The following ACAD10 variants were observed in gnomAD, a reference collection of about 807,000 sequenced individuals.
ACAD10 encodes the protein ACAD-10.
Under a neutral mutation model 116.8 loss-of-function variants are expected in ACAD10, and 112 were observed. The ratio of observed to expected loss-of-function variants is 0.96; its 90% confidence interval spans 0.82 to 1.12. The LOEUF (loss-of-function observed/expected upper bound fraction) is 1.12. Ranked by LOEUF, ACAD10 falls within the 50% of genes most tolerant of loss-of-function variation. ACAD10 has a pLI of 0.00. For synonymous variants in ACAD10, 486 were observed against 510.6 expected, an observed-to-expected ratio of 0.95 and a Z score of 0.65; for missense variants, 1,259 against 1,350.2, an observed-to-expected ratio of 0.93 and a Z score of 1.06.
Position 111,756,533 on chromosome 12 carries a change from C to A in ACAD10, c.*60C>A, listed in dbSNP as rs528263913. The A allele has an allele frequency of 5.0e-6, 8 of 1,592,068 alleles. No homozygotes were observed. The Admixed American group carries it at 1.4e-4, about 29-fold the overall frequency. On this transcript the variant is annotated 3_prime_UTR_variant, in exon 21 of 21. Transcript: ENST00000313698. ...GGTCCAGCTGTGCCCAGATCTGTCA[C>A]TGATGTGCCTCGAAAGATCCGGTGT...
intron 6 of ACAD10, among the ~76,000 whole-genome samples, chr12:111,715,256 A>T (rs573185083): frequency 6.6e-6 from 1 of 152,308 alleles, no homozygotes; most frequent in African/African-American, 2.4e-5. Context: ...TGGAGCTGAG[A>T]ATGAATTAGT....
chr12:111,738,068 G>A (rs1889624183), intron 12 of ACAD10, among the ~76,000 whole-genome samples: 1 of 151,956 alleles, frequency 6.6e-6, no homozygotes, highest in Non-Finnish European at 1.5e-5. Flanking sequence ...TGTTGGCCAG[G>A]CTGGTTTCGA....
rs1888367509 is a variant in ACAD10, at chr12:111,702,221, G to T, written c.247G>T (p.Gly83Cys). Reference sequence around the variant, plus strand: ...TATATTAAAGGCCTTGATGGAAGGTGGTGAAAATGGGCCCTGGATGAGATT... The same window carrying T: ...TATATTAAAGGCCTTGATGGAAGGTTGTGAAAATGGGCCCTGGATGAGATT... ...GTILKALMEG[G>C]ENGPWMRFMR... Residue 83 changes from glycine to cysteine, a missense_variant, in exon 3 of 21, where the codon GGT (glycine) becomes TGT (cysteine). Coordinates refer to ENST00000313698, the MANE Select transcript of ACAD10 (RefSeq NM_025247.6). The T allele has an allele frequency of 2.5e-6, 4 of 1,614,070 alleles. No homozygotes were observed. The highest frequency in any genetic ancestry group is 3.4e-6 in the Non-Finnish European group (4 of 1,180,010).
At chr12:111,728,919 C>T (rs139176365) in intron 9 of ACAD10, among the ~76,000 whole-genome samples, 4 of 152,210 alleles carry the variant, frequency 2.6e-5, no homozygotes, top group East Asian at 1.9e-4. Context: ...CAAACTCCTG[C>T]GCTCAAGTGA....
chr12:111,753,886 G>A lies in ACAD10; in HGVS notation c.2932G>A (p.Ala978Thr), dbSNP rs771508864. ...EQARLLVLRA[A>T]HLMDLAGNKA... ...GGCACGGCTGCTGGTGCTGAGAGCT[G>A]CCCACCTCATGGACCTGGCAGGAAA... The change falls in exon 19 of 21, where the codon GCC (alanine) becomes ACC (threonine). Residue 978 changes from alanine (A) to threonine (T), a missense_variant. By Grantham distance (58) the Ala-to-Thr change is moderately conservative. Coordinates refer to ENST00000313698, the MANE Select transcript of ACAD10 (RefSeq NM_025247.6). The A allele has an allele frequency of 6.8e-6, 11 of 1,610,904 alleles. No individual in the cohort carries two copies. The South Asian group carries it at 1.1e-4, about 16-fold the overall frequency.
rs2068087456 is a variant in ACAD10, at chr12:111,756,647, G to T, written c.*174G>T. The T allele has an allele frequency of 9.2e-7, 1 of 1,090,408 alleles. No homozygotes were observed. The highest frequency in any genetic ancestry group is 1.3e-6 in the Non-Finnish European group (1 of 741,954). 67.5% of individuals were successfully genotyped at this position (1,090,408 alleles called of 1,614,324 possible). ...CTGGTTCTCCACAGAAGACGTCTCT[G>T]CAAGAAGCCTGGAGTCTGTTTCAGG... On this transcript the variant is annotated 3_prime_UTR_variant, in exon 21 of 21. Transcript: ENST00000313698.
intron 19 of ACAD10, 114 bp downstream of exon 19, chr12:111,754,029 G>T (rs1434783391): frequency 1.5e-5 from 21 of 1,407,540 alleles, no homozygotes; most frequent in Non-Finnish European, 1.7e-5. Flanking sequence ...CCTCTACTTG[G>T]AGCTGTTTGG....
chr12:111,692,091 C>T (rs1166921255), intron 1 of ACAD10, among the ~76,000 whole-genome samples: 1 of 152,190 alleles, frequency 6.6e-6, no homozygotes. Flanking sequence ...GCCTCAGCCT[C>T]CTGAGTAGCT....
At chr12:111,695,177 T>C (rs1457022435) in intron 2 of ACAD10, among the ~76,000 whole-genome samples, 1 of 152,226 alleles carries the variant, frequency 6.6e-6, no homozygotes, top group African/African-American at 2.4e-5. Context: ...GCTTTCCTGC[T>C]ATGGACTACC....
intron 13 of ACAD10, chr12:111,745,306 G>C: frequency 1.9e-6 from 1 of 513,170 alleles, no homozygotes. Context: ...AGAAAGCCAG[G>C]GCAGGTTAGG....
chr12:111,698,581 G>A (rs1026018570), intron 2 of ACAD10, among the ~76,000 whole-genome samples: 1 of 149,750 alleles, frequency 6.7e-6, no homozygotes, highest in African/African-American at 2.5e-5. Context: ...AGGTTCAAGC[G>A]ATTCTCCTGC....
At chr12:111,695,638 C>T (rs1888172018) in intron 2 of ACAD10, among the ~76,000 whole-genome samples, 1 of 152,058 alleles carries the variant, frequency 6.6e-6, no homozygotes, top group Admixed American at 6.6e-5. Flanking sequence ...ATAGTGATGC[C>T]TTCTACTTTG....
intron 17 of ACAD10, chr12:111,748,846 T>G: frequency 4.0e-6 from 3 of 743,464 alleles, no homozygotes; most frequent in Non-Finnish European, 6.4e-6. Context: ...GGTTCTCTGC[T>G]AATAGTGTTC....
At chr12:111,721,270 C>T (rs1161046480) in intron 7 of ACAD10, among the ~76,000 whole-genome samples, 16 of 151,866 alleles carry the variant, frequency 1.1e-4, no homozygotes, top group Admixed American at 1.1e-3. Context: ...ATTTTTAATT[C>T]AGAAAAGTAA....
At chr12:111,706,032 G>A in intron 4 of ACAD10, 100 bp downstream of exon 4, 1 of 1,324,984 alleles carries the variant, frequency 7.5e-7, no homozygotes, top group Non-Finnish European at 1.0e-6. Context: ...GAGTGAGGGA[G>A]TTTTTCCTTC....
At chr12:111,743,856 C>T (rs1176789336) in intron 12 of ACAD10, among the ~76,000 whole-genome samples, 1 of 152,228 alleles carries the variant, frequency 6.6e-6, no homozygotes, top group Non-Finnish European at 1.5e-5. Flanking sequence ...AAGCGATTCT[C>T]ATGCCTTAGC....
Position 111,755,678 on chromosome 12 carries a change from T to C in ACAD10, c.2972T>C (p.Leu991Ser), listed in dbSNP as rs768135706. ...MDLAGNKAAA[L>S]DIAMIKMVAP... Reference sequence around the variant, plus strand: ...TCCTCCTCCTTACAGGCTGCAGCCTTGGATATAGCCATGATTAAAATGGTC... The same window carrying C: ...TCCTCCTCCTTACAGGCTGCAGCCTCGGATATAGCCATGATTAAAATGGTC... Residue 991 changes from leucine (L) to serine (S), a missense_variant, in exon 20 of 21, where the codon TTG becomes TCG. Physicochemically the swap from Leu to Ser is moderately radical, Grantham distance 145. Transcript: ENST00000313698. 2 of 1,613,892 alleles carry C rather than the reference T, an allele frequency of 1.2e-6. No homozygotes were observed. Among genetic ancestry groups the C allele is most frequent in the Non-Finnish European group, 1.7e-6 (2 of 1,179,924 alleles).
At chr12:111,697,767 A>G (rs1007553800) in intron 2 of ACAD10, among the ~76,000 whole-genome samples, 1 of 150,740 alleles carries the variant, frequency 6.6e-6, no homozygotes, top group Non-Finnish European at 1.5e-5. Flanking sequence ...TTGTATTTTT[A>G]TTAGAGACAG....
chr12:111,748,277 G>A, intron 16 of ACAD10, 40 bp from the exon 17 acceptor site: 1 of 1,610,142 alleles, frequency 6.2e-7, no homozygotes, highest in Non-Finnish European at 8.5e-7. Flanking sequence ...GATGGCCCTG[G>A]TGTCAGATGA....
Sources: gnomAD v4.1 joint callset for allele counts (sites outside exome capture counted in the v4.1 genomes callset) on GRCh38, gnomAD v4.1.1 for gene constraint, MANE v1.5 for transcripts, NCBI Gene and HGNC (gene_info 2026-07-23, HGNC 2026-07-21) for gene names.